Variants in NOP58 observed in about 807,000 individuals in gnomAD.
NOP58 encodes nucleolar protein 58.
NOP58 carries 44 observed loss-of-function variants against 71.2 expected under a neutral mutation model. That is an observed-to-expected ratio of 0.62 (90% confidence interval 0.49 to 0.79). The LOEUF (loss-of-function observed/expected upper bound fraction) is 0.79. Among genes scored for constraint, NOP58 ranks in the 30% least tolerant of loss-of-function variants. The pLI is 0.00. For missense variants in NOP58, 538 were observed against 620.2 expected (o/e 0.87, Z 1.41); for synonymous variants, 228 against 200.3 (o/e 1.14, Z -1.17).
chr2:202,271,357 AC>A (rs1688508364), intron 1 of NOP58, among the ~76,000 whole-genome samples: 1 of 150,904 alleles, frequency 6.6e-6, no homozygotes, highest in Non-Finnish European at 1.5e-5. Context: ...GGAGTTCGAG[AC>A]CAGCCTGGGC....
At chr2:202,267,786 A>C (rs149404487) in intron 1 of NOP58, among the ~76,000 whole-genome samples, 10 of 152,304 alleles carry the variant, frequency 6.6e-5, no homozygotes, top group African/African-American at 2.4e-4. Flanking sequence ...TGGGTCCTAA[A>C]ATACTCAACC....
intron 13 of NOP58, among the ~76,000 whole-genome samples, chr2:202,301,430 A>T (rs1396312105): frequency 1.3e-5 from 2 of 151,158 alleles, no homozygotes; most frequent in African/African-American, 4.9e-5. Flanking sequence ...TGATCCACCC[A>T]CTCCGGCCTC....
At chr2:202,274,819 A>G (rs1688564711) in intron 1 of NOP58, among the ~76,000 whole-genome samples, 1 of 152,126 alleles carries the variant, frequency 6.6e-6, no homozygotes, top group Admixed American at 6.6e-5. Flanking sequence ...AGCTCCAGCT[A>G]CGGCCCAAGG....
intron 3 of NOP58, among the ~76,000 whole-genome samples, chr2:202,278,727 G>A (rs570030412): frequency 1.3e-5 from 2 of 152,226 alleles, no homozygotes; most frequent in African/African-American, 4.8e-5. Flanking sequence ...CCAACTATTT[G>A]GCGGTGTAGT....
intron 1 of NOP58, among the ~76,000 whole-genome samples, chr2:202,270,683 A>G (rs1688499597): frequency 6.6e-6 from 1 of 152,086 alleles, no homozygotes; most frequent in African/African-American, 2.4e-5. Context: ...GAGGGAGGTC[A>G]CGGCTGCAGT....
intron 4 of NOP58, among the ~76,000 whole-genome samples, chr2:202,283,691 G>A (rs1454739486): frequency 2.0e-5 from 3 of 151,786 alleles, no homozygotes; most frequent in Non-Finnish European, 4.4e-5. Flanking sequence ...CACCCGCCTC[G>A]GCCTCCCAAA....
intron 4 of NOP58, 45 bp from the exon 5 acceptor site, chr2:202,284,300 A>G (rs777558420): frequency 2.1e-6 from 3 of 1,427,464 alleles, no homozygotes; most frequent in South Asian, 1.3e-5. Context: ...ACTTCAGGAA[A>G]GTCTTTTTTT....
chr2:202,272,718 A>G (rs550791205), intron 1 of NOP58, among the ~76,000 whole-genome samples: 6 of 152,240 alleles, frequency 3.9e-5, no homozygotes, highest in African/African-American at 1.4e-4. Context: ...ACTGAAGTTC[A>G]CTATTTTTAA....
chr2:202,282,415 AAAAG>A lies in NOP58; in HGVS notation c.243_246del (p.Glu82ProfsTer7). On this transcript the variant is annotated frameshift_variant, in exon 4 of 15. Coordinates refer to ENST00000264279, the MANE Select transcript of NOP58 (RefSeq NM_015934.5). LOFTEE classifies it high-confidence loss of function. ...TGAAAAAAGTTCTGAAGAAAATAGT[AAAAG>A]AAGCCCATGAACCGCTGGCAGTAGC... 1 of 1,613,706 alleles carries A rather than the reference AAAAG, an allele frequency of 6.2e-7. No individual in the cohort carries two copies. Among genetic ancestry groups the A allele is most frequent in the Non-Finnish European group, 8.5e-7 (1 of 1,179,832 alleles).
intron 1 of NOP58, among the ~76,000 whole-genome samples, chr2:202,273,450 T>G (rs1040427084): frequency 2.0e-5 from 3 of 152,240 alleles, no homozygotes; most frequent in Admixed American, 2.0e-4. Flanking sequence ...GATAAATATT[T>G]GTATACAGAA....
At chr2:202,273,979 A>G (rs940422163) in intron 1 of NOP58, among the ~76,000 whole-genome samples, 1 of 152,060 alleles carries the variant, frequency 6.6e-6, no homozygotes, top group African/African-American at 2.4e-5. Context: ...GTGATTCCTA[A>G]AAGTATGCAT....
chr2:202,295,769 A>G lies in NOP58; in HGVS notation c.1003A>G (p.Thr335Ala). The G allele has an allele frequency of 1.2e-6, 2 of 1,611,618 alleles. No individual in the cohort carries two copies. The highest frequency in any genetic ancestry group is 1.7e-6 in the Non-Finnish European group (2 of 1,179,038). Residue 335 changes from threonine to alanine, a missense_variant, in exon 10 of 15, where the codon ACC (threonine) becomes GCC (alanine). Thr to Ala is a moderately conservative substitution (Grantham distance 58). Coordinates refer to ENST00000264279, the MANE Select transcript of NOP58 (RefSeq NM_015934.5). ...CAGAGCCCTCAAATCTAGACGGGAT[A>G]CCCCTAAGTATGGTCTCATTTATCA... ...LFRALKSRRD[T>A]PKYGLIYHAS...
chr2:202,284,454 C>T lies in NOP58; in HGVS notation c.407C>T (p.Ala136Val), dbSNP rs776863966. Residue 136 changes from alanine (A) to valine (V), a missense_variant, in exon 5 of 15, where the codon GCA becomes GTA. Transcript: ENST00000264279. ...CCTGGGGTAGAACCACGTGAAATGG[C>T]AGCTATGTGTCTTGGATTGGCTCAC... Reference protein sequence around the residue: ...LIPGVEPREMAAMCLGLAHSL... With the variant: ...LIPGVEPREMVAMCLGLAHSL... 1.2e-6 allele frequency: 2 copies of T among 1,613,590 alleles called. No individual in the cohort carries two copies. The highest frequency in any genetic ancestry group is 3.3e-5 in the Admixed American group (2 of 59,912).
At chr2:202,295,115 A>G (rs1688970191) in intron 9 of NOP58, among the ~76,000 whole-genome samples, 1 of 152,208 alleles carries the variant, frequency 6.6e-6, no homozygotes, top group Admixed American at 6.5e-5. Context: ...GTGGGATAGC[A>G]AGAGATTTAA....
At chr2:202,293,904 T>C (rs1688946136) in intron 9 of NOP58, among the ~76,000 whole-genome samples, 1 of 152,010 alleles carries the variant, frequency 6.6e-6, no homozygotes. Context: ...GCATCATTAA[T>C]CAAAGGTTTC....
chr2:202,288,690 C>T (rs935163808), intron 6 of NOP58, among the ~76,000 whole-genome samples: 2 of 151,522 alleles, frequency 1.3e-5, no homozygotes, highest in African/African-American at 4.8e-5. Flanking sequence ...TGGTAGGCGC[C>T]TGTAATCTCA....
At chr2:202,294,235 C>A (rs1043684616) in intron 9 of NOP58, among the ~76,000 whole-genome samples, 2 of 149,816 alleles carry the variant, frequency 1.3e-5, no homozygotes, top group South Asian at 4.2e-4. Context: ...AGGAGAATTG[C>A]TTGAACCCGG....
intron 1 of NOP58, among the ~76,000 whole-genome samples, chr2:202,269,312 C>T (rs1444776834): frequency 6.0e-5 from 9 of 149,870 alleles, no homozygotes; most frequent in Non-Finnish European, 8.9e-5. Context: ...GCTGGGATTA[C>T]AGGCGTGAGC....
chr2:202,281,419 G>T (rs556237468), intron 3 of NOP58, among the ~76,000 whole-genome samples: 1 of 151,838 alleles, frequency 6.6e-6, no homozygotes, highest in Non-Finnish European at 1.5e-5. Flanking sequence ...GCCACCACGC[G>T]CAGCCCAAGC....
Sources: allele counts gnomAD v4.1 joint callset (sites outside exome capture counted in the v4.1 genomes callset), GRCh38; gene constraint gnomAD v4.1.1; transcripts MANE v1.5; gene names NCBI Gene and HGNC (gene_info 2026-07-23, HGNC 2026-07-21).